Variants in POLI observed in about 807,000 individuals in gnomAD.
POLI encodes RAD30 homolog B.
In POLI, 58 loss-of-function variants were observed where a neutral mutation model predicts 51.6. That is an observed-to-expected ratio of 1.12 (90% confidence interval 0.91 to 1.40). The LOEUF is 1.40. Among genes scored for constraint, POLI ranks in the 40% most tolerant of loss-of-function variants. The pLI, the probability that POLI is intolerant of heterozygous loss-of-function variation, is 0.00. For missense variants in POLI, 921 were observed against 871.3 expected, an observed-to-expected ratio of 1.06 and a Z score of -0.72; for synonymous variants, 322 against 299.7, an observed-to-expected ratio of 1.07 and a Z score of -0.77.
At chr18:54,288,406 G>A (rs1437169223) in intron 8 of POLI, among the ~76,000 whole-genome samples, 1 of 152,102 alleles carries the variant, frequency 6.6e-6, no homozygotes, top group Non-Finnish European at 1.5e-5. Flanking sequence ...GTGGTATACG[G>A]TAAGGGTCTT....
rs141627949 is a variant in POLI at position 54,294,267 on chromosome 18, G to A, written c.2023G>A (p.Asp675Asn). 1.5e-5 allele frequency: 24 copies of A among 1,613,532 alleles called. No homozygotes were observed. The African/African-American group carries it at 3.1e-4, about 21-fold the overall frequency. Residue 675 changes from aspartate (D) to asparagine (N), a missense_variant, in exon 10 of 10, where the codon GAT (aspartate) becomes AAT (asparagine). By Grantham distance (23) the Asp-to-Asn change is conservative. Coordinates refer to ENST00000579534, the MANE Select transcript of POLI (RefSeq NM_007195.3). The part of the protein sequence containing the change: ...EQLFSRNHTT[D>N]SHKQTVATDS... The stretch of plus-strand genomic sequence containing the variant: ...ACTTTTCTCCAGAAACCACACTACA[G>A]ATAGCCATAAGCAAACAGTAGCAAC...
At chr18:54,279,265 C>T (rs2087390077) in intron 4 of POLI, among the ~76,000 whole-genome samples, 1 of 116,134 alleles carries the variant, frequency 8.6e-6, no homozygotes, top group Non-Finnish European at 1.7e-5. Context: ...TTTTTTGAGA[C>T]AGAGTCTCAC....
In POLI at chr18:54,296,725, T is replaced by C; in HGVS notation, c.*2258T>C. The stretch of plus-strand genomic sequence containing the variant: ...CTCTATCTTTCTGTTTACTAGTTCA[T>C]TTTTCAGTAGCATCTCACCTGCTAT... On this transcript the variant is annotated 3_prime_UTR_variant, in exon 10 of 10. Coordinates refer to ENST00000579534, the MANE Select transcript of POLI (RefSeq NM_007195.3). 1 of 221,102 alleles carries C rather than the reference T, an allele frequency of 4.5e-6. No homozygotes were observed. Among genetic ancestry groups the C allele is most frequent in the Non-Finnish European group, 7.6e-6 (1 of 131,536 alleles). The allele number at this position is 221,102 out of a possible 1,614,324, so 13.7% of individuals were successfully genotyped here.
In POLI at chr18:54,286,677, C is replaced by T. The variant is rs561875720; in HGVS notation, c.1068-604C>T. Reference sequence around the variant, plus strand: ...GTTGCCTTTTGGTTAGGTGTGTTGGCTTACGTCTGTAATCCCAGCATTTTG... The same window carrying T: ...GTTGCCTTTTGGTTAGGTGTGTTGGTTTACGTCTGTAATCCCAGCATTTTG... On this transcript the variant is annotated intron_variant, in intron 7 of 9. Transcript: ENST00000579534. Among the ~76,000 whole-genome samples, 11 of 152,220 alleles carry T rather than the reference C, an allele frequency of 7.2e-5. No individual in the cohort carries two copies. In the South Asian group the frequency reaches 1.9e-3, roughly 26 times the overall value.
chr18:54,285,452 C>A (rs1279596241), intron 7 of POLI, among the ~76,000 whole-genome samples: 1 of 151,640 alleles, frequency 6.6e-6, no homozygotes, highest in Non-Finnish European at 1.5e-5. Flanking sequence ...TCTCCCACAC[C>A]ACGGGCCCTT....
chr18:54,303,925 A>G (rs2088535716), intron 3 of POLI, among the ~76,000 whole-genome samples: 1 of 147,586 alleles, frequency 6.8e-6, no homozygotes, highest in South Asian at 2.1e-4. Flanking sequence ...CCCCCACCCC[A>G]CAATGGCCCT....
At chr18:54,280,524 C>T in intron 4 of POLI, 143 bp from the exon 5 acceptor site, 2 of 622,934 alleles carry the variant, frequency 3.2e-6, no homozygotes, top group Admixed American at 5.7e-5. Context: ...ACAAATATCA[C>T]AACCATACCA....
chr18:54,320,810 AT>A (rs34603554), intron 4 of POLI, among the ~76,000 whole-genome samples: 33,224 of 148,698 alleles, frequency 0.22, 3,622 homozygotes, highest in East Asian at 0.3. Flanking sequence ...AGGCTTTTCT[AT>A]TTTTTTTTTT....
chr18:54,269,603 A>G lies in POLI; in HGVS notation c.57A>G (p.Glu19=). 6.7e-7 allele frequency: 1 copy of G among 1,489,722 alleles called. No individual in the cohort carries two copies. Among genetic ancestry groups the G allele is most frequent in the Non-Finnish European group, 8.9e-7 (1 of 1,120,622 alleles). 92.3% of individuals were successfully genotyped at this position (1,489,722 alleles called of 1,614,324 possible). A position where few individuals can be genotyped will look rare whatever the true frequency, so the allele number is the denominator to read the frequency against. The part of the protein sequence containing the change: ...EEEGGGDDDE[E]DAEAWAMELA... ...AAGGCGGCGGCGACGACGACGAGGA[A>G]GACGCCGAGGCCTGGGCCATGGAAC... The change falls in exon 1 of 10, where the codon GAA becomes GAG. Residue 19 remains glutamate, a synonymous_variant. Transcript: ENST00000579534.
chr18:54,273,904 T>A (rs372038217), intron 2 of POLI, 22 bp from the exon 3 acceptor site: 43 of 1,414,460 alleles, frequency 3.0e-5, no homozygotes, highest in Admixed American at 5.1e-5. Flanking sequence ...TGCTTGGGTT[T>A]CTCATAAAAT....
chr18:54,304,581 AT>A (rs2088548774), intron 3 of POLI, among the ~76,000 whole-genome samples: 1 of 152,108 alleles, frequency 6.6e-6, no homozygotes, highest in African/African-American at 2.4e-5. Flanking sequence ...GTCTGTTCAT[AT>A]CCTTTGCCCA....
At chr18:54,299,549 T>A (rs1372078740), downstream of POLI, among the ~76,000 whole-genome samples, 1 of 151,926 alleles carries the variant, frequency 6.6e-6, no homozygotes, top group African/African-American at 2.4e-5. Flanking sequence ...GGAGAAAAAA[T>A]TAGTGCACTA....
intron 3 of POLI, among the ~76,000 whole-genome samples, chr18:54,319,668 A>G (rs746372136): frequency 1.3e-5 from 2 of 152,156 alleles, no homozygotes; most frequent in East Asian, 1.9e-4. Context: ...TATATATGGT[A>G]CCTTCTGCAA....
At chr18:54,288,140 A>G (rs2087831352) in intron 8 of POLI, among the ~76,000 whole-genome samples, 1 of 152,274 alleles carries the variant, frequency 6.6e-6, no homozygotes, top group Non-Finnish European at 1.5e-5. Context: ...ATTAATTTAC[A>G]TTTTCATCAA....
At chr18:54,320,742 AAAAC>A (rs1226318495) in intron 4 of POLI, among the ~76,000 whole-genome samples, 1 of 152,184 alleles carries the variant, frequency 6.6e-6, no homozygotes, top group Non-Finnish European at 1.5e-5. Flanking sequence ...AGATAAATGA[AAAAC>A]AAATGCTATC....
chr18:54,307,541 T>C lies in POLI; in HGVS notation c.334-12732T>C, dbSNP rs1236582219. Among the ~76,000 whole-genome samples, 3 of 152,364 alleles carry C rather than the reference T, an allele frequency of 2.0e-5. No homozygotes were observed. The East Asian group carries it at 5.8e-4, about 29-fold the overall frequency. On this transcript the variant is annotated intron_variant, in intron 3 of 4. Coordinates refer to the POLI transcript ENST00000579823. ...TTTTGGAATAAGTGCGATGTGGTGC[T>C]GAGAAGAATGTATATTCTGTTGATT... is the stretch of plus-strand genomic sequence containing the variant.
chr18:54,301,686 C>G (rs145116077), downstream of POLI, among the ~76,000 whole-genome samples: 1 of 152,284 alleles, frequency 6.6e-6, no homozygotes, highest in East Asian at 1.9e-4. Flanking sequence ...GTTCGTGCCT[C>G]CAGACTCCCA....
At chr18:54,307,873 G>A (rs945540176) in intron 3 of POLI, among the ~76,000 whole-genome samples, 1 of 149,626 alleles carries the variant, frequency 6.7e-6, no homozygotes, top group African/African-American at 2.5e-5. Flanking sequence ...TTGGTTTAAA[G>A]TCTGTTTTAT....
Position 54,287,182 on chromosome 18 carries a change from T to C in POLI, c.1068-99T>C, listed in dbSNP as rs1415464674. On this transcript the variant is annotated intron_variant, in intron 7 of 9. Coordinates refer to ENST00000579534, the MANE Select transcript of POLI (RefSeq NM_007195.3). Reference sequence around the variant, plus strand: ...ATCTGCTATATGTATAATTGTCATATTTAACAAAATCTGGCACCTTTAGAT... The same window carrying C: ...ATCTGCTATATGTATAATTGTCATACTTAACAAAATCTGGCACCTTTAGAT... 4 of 790,798 alleles carry C rather than the reference T, an allele frequency of 5.1e-6. No individual in the cohort carries two copies. In the African/African-American group the frequency reaches 7.0e-5, roughly 14 times the overall value. The allele number at this position is 790,798 out of a possible 1,614,324, so 49.0% of individuals were successfully genotyped here. A position where few individuals can be genotyped will look rare whatever the true frequency, so the allele number is the denominator to read the frequency against.
Sources: allele counts gnomAD v4.1 joint callset (sites outside exome capture counted in the v4.1 genomes callset), GRCh38; gene constraint gnomAD v4.1.1; transcripts MANE v1.5; gene names NCBI Gene and HGNC (gene_info 2026-07-23, HGNC 2026-07-21).